Variants in ESS2 observed in about 807,000 individuals in gnomAD.
ESS2 encodes ess-2 spliceosome associated protein.
A neutral mutation model predicts 52.0 loss-of-function variants in ESS2; 31 were observed. That is an observed-to-expected ratio of 0.60 (90% CI 0.45 to 0.81). ESS2 has a LOEUF of 0.81. Ranked by LOEUF, ESS2 falls within the 30% of genes least tolerant of loss-of-function variation. The probability of loss-of-function intolerance (pLI) is 0.00; values close to 1 mark genes in which losing one functional copy is unlikely to be tolerated. For synonymous variants in ESS2, 285 were observed against 259.2 expected (o/e 1.10, Z -0.95); for missense variants, 602 against 637.2 (o/e 0.94, Z 0.59).
In ESS2 at chr22:19,131,874, A is replaced by G; in HGVS notation, c.*2322T>C. 2.5e-6 allele frequency: 4 copies of G among 1,614,106 alleles called. No homozygotes were observed. The South Asian group carries it at 4.4e-5, about 18-fold the overall frequency. On this transcript the variant is annotated 3_prime_UTR_variant, in exon 10 of 10. Coordinates refer to ENST00000252137, the MANE Select transcript of ESS2 (RefSeq NM_022719.3). The surrounding 1 kb of genome is among the most constrained non-coding windows in gnomAD (Gnocchi z 5.7). The stretch of plus-strand genomic sequence containing the variant: ...CAAGCTGTCTGACTTTGGCTTCTCC[A>G]AGCGCTGCCTGCGGGACAGCAATGG...
rs1266277108 is a variant in ESS2 at position 19,133,973 on chromosome 22, C to A, written c.*223G>T. Reference sequence around the variant, plus strand: ...TGTTCTTTAATGACAGTTCAAGGGGCCAATTAAACAGCAAACAGCTTGGCA... The same window carrying A: ...TGTTCTTTAATGACAGTTCAAGGGGACAATTAAACAGCAAACAGCTTGGCA... On this transcript the variant is annotated 3_prime_UTR_variant, in exon 10 of 10. Transcript: ENST00000252137. 4.6e-6 allele frequency: 2 copies of A among 439,210 alleles called. No homozygotes were observed. The highest frequency in any genetic ancestry group is 7.7e-6 in the Non-Finnish European group (2 of 261,038). The allele number at this position is 439,210 out of a possible 1,614,324, so 27.2% of individuals were successfully genotyped here. A position where few individuals can be genotyped will look rare whatever the true frequency, so the allele number is the denominator to read the frequency against.
At position 19,131,714 on chromosome 22, in the gene ESS2, G is replaced by A. The variant is rs752982713; in HGVS notation, c.*2482C>T. The stretch of plus-strand genomic sequence containing the variant: ...ACCTCCTCGAGTTCATCAAGTGCCA[G>A]GGAGCCCTGCATGAGGACGTGGCAC... On this transcript the variant is annotated 3_prime_UTR_variant, in exon 10 of 10. Transcript: ENST00000252137. The surrounding 1 kb of genome is among the most constrained non-coding windows in gnomAD (Gnocchi z 5.7). 1.9e-6 allele frequency: 3 copies of A among 1,614,080 alleles called. No individual in the cohort carries two copies. Among genetic ancestry groups the A allele is most frequent in the African/African-American group, 1.3e-5 (1 of 75,040 alleles).
At chr22:19,135,206 G>A (rs1297218928) in intron 8 of ESS2, 31 bp from the exon 9 acceptor site, 8 of 1,556,908 alleles carry the variant, frequency 5.1e-6, no homozygotes, top group Admixed American at 1.7e-5. Context: ...GGGTAGCTGC[G>A]CCAGGCCTGC....
intron 8 of ESS2, among the ~76,000 whole-genome samples, chr22:19,135,956 G>C (rs2083573446): frequency 6.7e-6 from 1 of 149,582 alleles, no homozygotes; most frequent in Admixed American, 6.7e-5. Flanking sequence ...TTTGAGCCCA[G>C]GAGCTCAATG....
At position 19,139,564 on chromosome 22, in the gene ESS2, C is replaced by T. The variant is rs754248385; in HGVS notation, c.688+48G>A. On this transcript the variant is annotated intron_variant, in intron 5 of 9. Coordinates refer to ENST00000252137, the MANE Select transcript of ESS2 (RefSeq NM_022719.3). ...TGCTCCAAACACAGCCAGACACACA[C>T]AGCTCTACCCAACACCTCCCCATTT... 2.1e-5 allele frequency: 33 copies of T among 1,551,284 alleles called. 1 individual carries two copies. Among genetic ancestry groups the T allele is most frequent in the African/African-American group, 1.9e-4 (14 of 73,616 alleles).
At chr22:19,139,785 T>C (rs2083651845) in intron 4 of ESS2, 56 bp from the exon 5 acceptor site, 9 of 1,613,304 alleles carry the variant, frequency 5.6e-6, no homozygotes, top group Non-Finnish European at 7.6e-6. Flanking sequence ...ATTGTACCCA[T>C]GGCCCTGGGG....
chr22:19,131,273 C>T lies in ESS2; in HGVS notation c.*2923G>A, dbSNP rs889937446. 4.0e-6 allele frequency: 3 copies of T among 748,264 alleles called. No individual in the cohort carries two copies. The highest frequency in any genetic ancestry group is 2.7e-5 in the Admixed American group (1 of 37,596). 46.4% of individuals were successfully genotyped at this position (748,264 alleles called of 1,614,324 possible). A position where few individuals can be genotyped will look rare whatever the true frequency, so the allele number is the denominator to read the frequency against. ...CCGGAGACAATGCTGAGTGTTCCACCCCTGAGTCGAAGCCCAGCCCAGGGC... is the reference window on the plus strand; with the variant it reads ...CCGGAGACAATGCTGAGTGTTCCACTCCTGAGTCGAAGCCCAGCCCAGGGC... On this transcript the variant is annotated 3_prime_UTR_variant, in exon 10 of 10. Transcript: ENST00000252137. The surrounding 1 kb of genome is among the most constrained non-coding windows in gnomAD (Gnocchi z 5.7).
Position 19,144,610 on chromosome 22 carries a change from A to G in ESS2, c.31T>C (p.Leu11=), listed in dbSNP as rs1363671068. Residue 11 remains leucine (L), a synonymous_variant, in exon 1 of 10, where the codon TTG becomes CTG. Coordinates refer to ENST00000252137, the MANE Select transcript of ESS2 (RefSeq NM_022719.3). ...GGCCTGGACGCGGCGGGAAGCAACA[A>G]GGACGACGCTGATGCGCCCGGCGTC... METPGASASS[L]LLPAASRPPR... The G allele has an allele frequency of 2.5e-6, 4 of 1,581,016 alleles. No individual in the cohort carries two copies. The South Asian group carries it at 3.4e-5, about 13-fold the overall frequency.
chr22:19,134,435 G>C lies in ESS2; in HGVS notation c.1192C>G (p.Leu398Val). 3 of 1,593,146 alleles carry C rather than the reference G, an allele frequency of 1.9e-6. No individual in the cohort carries two copies. The highest frequency in any genetic ancestry group is 2.6e-6 in the Non-Finnish European group (3 of 1,168,322). Residue 398 changes from leucine (L) to valine (V), a missense_variant, in exon 10 of 10, where the codon CTA becomes GTA. Coordinates refer to ENST00000252137, the MANE Select transcript of ESS2 (RefSeq NM_022719.3). ...KGLSPAMSPA[L>V]QRLVSRTASK... ...GCCGTCCTGCTCACAAGGCGCTGTA[G>C]GGCTGGCGACATGGCTGGGCTCAGG...
Position 19,137,414 on chromosome 22 carries a change from A to T in ESS2, c.944T>A (p.Met315Lys). The T allele has an allele frequency of 6.2e-7, 1 of 1,613,184 alleles. No individual in the cohort carries two copies. Among genetic ancestry groups the T allele is most frequent in the Non-Finnish European group, 8.5e-7 (1 of 1,179,570 alleles). Residue 315 changes from methionine to lysine, a missense_variant, in exon 8 of 10, where the codon ATG (methionine) becomes AAG (lysine). Met to Lys is a moderately conservative substitution (Grantham distance 95). Coordinates refer to ENST00000252137, the MANE Select transcript of ESS2 (RefSeq NM_022719.3). The part of the protein sequence containing the change: ...SPAPGVNESP[M>K]MTWGEVENTP... ...GTTCTCAACCTCCCCCCAGGTCATCATCGGGGACTCGTTCACACCTGCAGA... is the reference window on the plus strand; with the variant it reads ...GTTCTCAACCTCCCCCCAGGTCATCTTCGGGGACTCGTTCACACCTGCAGA...
In ESS2 at chr22:19,132,178, G is replaced by A. The variant is rs1167167715; in HGVS notation, c.*2018C>T. 17 of 1,613,036 alleles carry A rather than the reference G, an allele frequency of 1.1e-5. No homozygotes were observed. Among genetic ancestry groups the A allele is most frequent in the Middle Eastern group, 1.6e-4 (1 of 6,080 alleles). Reference sequence around the variant, plus strand: ...ATGCTGCAGCCCGACGTCAGCCAGCGGCTCCACATCGATGAGATCCTCAGC... The same window carrying A: ...ATGCTGCAGCCCGACGTCAGCCAGCAGCTCCACATCGATGAGATCCTCAGC... On this transcript the variant is annotated 3_prime_UTR_variant, in exon 10 of 10. Coordinates refer to ENST00000252137, the MANE Select transcript of ESS2 (RefSeq NM_022719.3). This position sits in a 1 kb window ranked among gnomAD's most constrained non-coding sequence, Gnocchi z 4.2.
At chr22:19,136,441 A>G (rs1192059088) in intron 8 of ESS2, among the ~76,000 whole-genome samples, 3 of 151,984 alleles carry the variant, frequency 2.0e-5, no homozygotes, top group Non-Finnish European at 2.9e-5. Flanking sequence ...TAACCTTTTC[A>G]CCTTTCCACA....
At position 19,139,930 on chromosome 22, in the gene ESS2, C is replaced by A. The variant is rs780727355; in HGVS notation, c.495G>T (p.Glu165Asp). The change falls in exon 4 of 10, where the codon GAG (glutamate) becomes GAT (aspartate). Residue 165 changes from glutamate (E) to aspartate (D), a missense_variant. Glu to Asp is a conservative substitution (Grantham distance 45). Transcript: ENST00000252137. ...TTCTCTCCTTGGCCACCTCCATGATCTCCTGGAAGGAGGCATTGTCCTCAC... is the reference window on the plus strand; with the variant it reads ...TTCTCTCCTTGGCCACCTCCATGATATCCTGGAAGGAGGCATTGTCCTCAC... Reference protein sequence around the residue: ...YTSEDNASFQEIMEVAKERSR... With the variant: ...YTSEDNASFQDIMEVAKERSR... The A allele has an allele frequency of 2.7e-5, 43 of 1,614,088 alleles. No individual in the cohort carries two copies. The Admixed American group carries it at 7.0e-4, about 26-fold the overall frequency.
At position 19,139,742 on chromosome 22, in the gene ESS2, G is replaced by A; in HGVS notation, c.571-13C>T. On this transcript the variant is annotated splice_polypyrimidine_tract_variant and intron_variant, in intron 4 of 9. Coordinates refer to ENST00000252137, the MANE Select transcript of ESS2 (RefSeq NM_022719.3). ...TATCTTTCTGCCTCTGCAATCACAT[G>A]GGGAAAAGTGATGGTCAGAGATGCC... 1.2e-6 allele frequency: 2 copies of A among 1,614,010 alleles called. No homozygotes were observed. The highest frequency in any genetic ancestry group is 1.7e-6 in the Non-Finnish European group (2 of 1,179,874).
Position 19,142,883 on chromosome 22 carries a change from C to T in ESS2, c.147G>A (p.Thr49=), listed in dbSNP as rs201460675. Reference sequence around the variant, plus strand: ...CAGGAAAGAAATCCCTTTGGATGACCGTCTGGAGGCCCTGCAAGGAGAGAT... The same window carrying T: ...CAGGAAAGAAATCCCTTTGGATGACTGTCTGGAGGCCCTGCAAGGAGAGAT... The part of the protein sequence containing the change: ...DEEEYIEGLQ[T]VIQRDFFPDV... Residue 49 remains threonine (T), a synonymous_variant, in exon 2 of 10, where the codon ACG becomes ACA. Coordinates refer to ENST00000252137, the MANE Select transcript of ESS2 (RefSeq NM_022719.3). 2.2e-5 allele frequency: 35 copies of T among 1,613,096 alleles called. No individual in the cohort carries two copies. Among genetic ancestry groups the T allele is most frequent in the Admixed American group, 1.8e-4 (11 of 59,882 alleles).
intron 6 of ESS2, 63 bp from the exon 7 acceptor site, chr22:19,138,380 G>T: frequency 6.9e-7 from 1 of 1,449,940 alleles, no homozygotes; most frequent in South Asian, 1.2e-5. Context: ...GCTGGCCGGT[G>T]GGCAAACACG....
chr22:19,138,414 C>T, intron 6 of ESS2, 97 bp from the exon 7 acceptor site: 1 of 1,162,424 alleles, frequency 8.6e-7, no homozygotes, highest in Non-Finnish European at 1.3e-6. Flanking sequence ...GAAACACTTC[C>T]TCTCCTCAGG....
At position 19,139,337 on chromosome 22, in the gene ESS2, A is replaced by G. The variant is rs200316833; in HGVS notation, c.689-45T>C. 952 of 1,528,366 alleles carry G rather than the reference A, an allele frequency of 6.2e-4. 1 individual carries two copies. Among genetic ancestry groups the G allele is most frequent in the Non-Finnish European group, 7.6e-4 (868 of 1,137,924 alleles). The allele number at this position is 1,528,366 out of a possible 1,614,324, so 94.7% of individuals were successfully genotyped here. ...TAGCAGCAGGTGTCAGAAGGGCAGCAGCCTAAGGAGCATGAGGAGCTCGCT... is the reference window on the plus strand; with the variant it reads ...TAGCAGCAGGTGTCAGAAGGGCAGCGGCCTAAGGAGCATGAGGAGCTCGCT... On this transcript the variant is annotated intron_variant, in intron 5 of 9. Transcript: ENST00000252137.
chr22:19,132,215 G>GAGGAT lies in ESS2; in HGVS notation c.*1980_*1981insATCCT. The GAGGAT allele has an allele frequency of 6.2e-7, 1 of 1,612,374 alleles. No individual in the cohort carries two copies. ...ATGAGATCCTCAGCCACTCGTGGCTGCAGCCCCCCAAGCCCAAAGCCACGT... is the reference window on the plus strand; with the variant it reads ...ATGAGATCCTCAGCCACTCGTGGCTGAGGATCAGCCCCCCAAGCCCAAAGCCACGT... On this transcript the variant is annotated 3_prime_UTR_variant, in exon 10 of 10. Coordinates refer to ENST00000252137, the MANE Select transcript of ESS2 (RefSeq NM_022719.3). This position sits in a 1 kb window ranked among gnomAD's most constrained non-coding sequence, Gnocchi z 4.2.
Sources: allele counts gnomAD v4.1 joint callset (sites outside exome capture counted in the v4.1 genomes callset), GRCh38; gene constraint gnomAD v4.1.1; non-coding constraint Gnocchi (gnomAD v3.1); transcripts MANE v1.5; gene names NCBI Gene and HGNC (gene_info 2026-07-23, HGNC 2026-07-21).